CTDP1: variants seen among roughly 807,000 people sequenced by gnomAD.
CTDP1 encodes the protein RNA polymerase II subunit A C-terminal domain phosphatase.
In CTDP1, 47 loss-of-function variants were observed where a neutral mutation model predicts 91.8. The observed-to-expected ratio is 0.51, with a 90% confidence interval of 0.41 to 0.65. CTDP1 has a LOEUF of 0.65. Among genes scored for constraint, CTDP1 ranks in the 30% least tolerant of loss-of-function variants. The pLI is 0.00. For missense variants in CTDP1, 1,272 were observed against 1,373.7 expected (o/e 0.93, Z 1.17); for synonymous variants, 656 against 598.5 (o/e 1.10, Z -1.40).
At chr18:79,685,242 T>C (rs564710825) in intron 1 of CTDP1, 8 of 152,348 alleles carry the variant, frequency 5.3e-5, no homozygotes, top group African/African-American at 1.9e-4. Flanking sequence ...TTATAATATT[T>C]ATGTGGAGTA....
chr18:79,680,142 G>A lies in CTDP1; in HGVS notation c.195G>A (p.Gln65=). ...AASAQSSGAS[Q]SRVASGGCVR... Reference sequence around the variant, plus strand: ...CCGCGCAGTCCTCCGGGGCCTCTCAGTCCCGTGTAGCCTCCGGGGGCTGCG... The same window carrying A: ...CCGCGCAGTCCTCCGGGGCCTCTCAATCCCGTGTAGCCTCCGGGGGCTGCG... The change falls in exon 1 of 13, where the codon CAG becomes CAA. Residue 65 remains glutamine, a synonymous_variant. Transcript: ENST00000613122. The A allele has an allele frequency of 7.0e-7, 1 of 1,429,538 alleles. No homozygotes were observed. The allele number at this position is 1,429,538 out of a possible 1,614,324, so 88.6% of individuals were successfully genotyped here.
At position 79,717,639 on chromosome 18, in the gene CTDP1, C is replaced by T. The variant is rs2086243028; in HGVS notation, c.2173C>T (p.Leu725Phe). ...GCGCTGGGACAAGGTGGAGGAGCAGCTCTTCCCGCTCAGGGACGATCACAC... is the reference window on the plus strand; with the variant it reads ...GCGCTGGGACAAGGTGGAGGAGCAGTTCTTCCCGCTCAGGGACGATCACAC... ...LERWDKVEEQ[L>F]FPLRDDHTKA... Residue 725 changes from leucine (L) to phenylalanine (F), a missense_variant, in exon 9 of 13, where the codon CTC (leucine) becomes TTC (phenylalanine). Coordinates refer to ENST00000613122, the MANE Select transcript of CTDP1 (RefSeq NM_004715.5). The T allele has an allele frequency of 6.2e-7, 1 of 1,613,904 alleles. No individual in the cohort carries two copies. The highest frequency in any genetic ancestry group is 1.1e-5 in the South Asian group (1 of 91,096).
chr18:79,714,711 A>G lies in CTDP1; in HGVS notation c.1251A>G (p.Gln417=), dbSNP rs34942031. 8.7e-4 allele frequency: 1,402 copies of G among 1,607,166 alleles called. 15 individuals are homozygous for G. In the African/African-American group the frequency reaches 0.013, roughly 15 times the overall value. ...CTGCCCAGGCCCCCACCAGCAGCCA[A>G]GAGCTGGCAGGCGCTCCTGAGCCCC... ...WPPAQAPTSS[Q]ELAGAPEPQG... The change falls in exon 8 of 13, where the codon CAA becomes CAG. Residue 417 remains glutamine (Q), a synonymous_variant. Coordinates refer to ENST00000613122, the MANE Select transcript of CTDP1 (RefSeq NM_004715.5).
intron 11 of CTDP1, chr18:79,736,152 T>C: frequency 1.5e-6 from 1 of 654,242 alleles, no homozygotes; most frequent in Non-Finnish European, 2.7e-6. Flanking sequence ...GGGTTTGCTC[T>C]GTGGATTTCC....
intron 2 of CTDP1, 36 bp downstream of exon 2, chr18:79,695,344 G>T: frequency 6.3e-7 from 1 of 1,597,028 alleles, no homozygotes; most frequent in Non-Finnish European, 8.6e-7. Flanking sequence ...CTGCCTGCTG[G>T]GGCTCGAGGT....
intron 4 of CTDP1, among the ~76,000 whole-genome samples, chr18:79,701,462 A>G (rs1220212061): frequency 6.6e-6 from 1 of 151,954 alleles, no homozygotes; most frequent in Non-Finnish European, 1.5e-5. Flanking sequence ...GTGAGCCACG[A>G]TCGCACCACT....
chr18:79,728,521 C>T (rs1312713372), intron 10 of CTDP1, among the ~76,000 whole-genome samples: 1 of 151,952 alleles, frequency 6.6e-6, no homozygotes, highest in Non-Finnish European at 1.5e-5. Flanking sequence ...TGTAGCTCTC[C>T]GGACCCTATT....
intron 12 of CTDP1, among the ~76,000 whole-genome samples, chr18:79,744,482 C>T (rs1028484517): frequency 2.0e-5 from 3 of 152,250 alleles, no homozygotes; most frequent in Admixed American, 2.0e-4. Flanking sequence ...GCGGTGTGAA[C>T]GTGAGGGGAT....
chr18:79,715,400 C>A lies in CTDP1; in HGVS notation c.1940C>A (p.Thr647Lys). The A allele has an allele frequency of 6.2e-7, 1 of 1,604,724 alleles. No homozygotes were observed. Among genetic ancestry groups the A allele is most frequent in the Non-Finnish European group, 8.5e-7 (1 of 1,175,512 alleles). ...ATAATTTTCAGTGGGCTACACCCGA[C>A]AAACTTCCCGATAGAGAAGACGCGG... ...VAIIFSGLHP[T>K]NFPIEKTREH... The change falls in exon 8 of 13, where the codon ACA becomes AAA. Residue 647 changes from threonine to lysine, a missense_variant. Thr to Lys is a moderately conservative substitution (Grantham distance 78, BLOSUM62 -1). This residue lies in a region of CTDP1 where 881 missense variants were observed against 911.6 expected (regional missense o/e 0.97). Transcript: ENST00000613122.
chr18:79,697,706 A>G (rs2085774795), intron 3 of CTDP1, among the ~76,000 whole-genome samples, 154 bp from the exon 4 acceptor site: 1 of 152,226 alleles, frequency 6.6e-6, no homozygotes, highest in South Asian at 2.1e-4. Context: ...TTGGTGACCC[A>G]GCCCTGCCTC....
intron 10 of CTDP1, 77 bp from the exon 11 acceptor site, chr18:79,728,830 C>T: frequency 6.8e-7 from 1 of 1,472,802 alleles, no homozygotes; most frequent in Non-Finnish European, 9.2e-7. Context: ...AGTCCGAGAG[C>T]CAGGAGTCTG....
intron 3 of CTDP1, among the ~76,000 whole-genome samples, chr18:79,696,334 C>G (rs530999946): frequency 2.0e-5 from 3 of 152,330 alleles, no homozygotes; most frequent in Non-Finnish European, 4.4e-5. Context: ...ACACCAGGTG[C>G]TGCCGCCGCA....
intron 9 of CTDP1, 53 bp from the exon 10 acceptor site, chr18:79,717,757 C>A: frequency 6.2e-7 from 1 of 1,613,560 alleles, no homozygotes; most frequent in African/African-American, 1.3e-5. Flanking sequence ...CTGGGCAGTG[C>A]CCCTCATCAC....
chr18:79,731,387 G>A (rs1291885961), intron 11 of CTDP1, among the ~76,000 whole-genome samples: 1 of 152,206 alleles, frequency 6.6e-6, no homozygotes, highest in Non-Finnish European at 1.5e-5. Flanking sequence ...AGCACCTGCC[G>A]TGGGGGATGC....
chr18:79,746,515 T>C lies in CTDP1; in HGVS notation c.2748-7137T>C, dbSNP rs1007372958. On this transcript the variant is annotated intron_variant, in intron 12 of 12. Transcript: ENST00000613122. ...TTTTGGTTTGTGAAAGTTTGCTTTT[T>C]CGTGTTTTCATAGCTACACAAACTG... is the stretch of plus-strand genomic sequence containing the variant. Among the ~76,000 whole-genome samples the C allele has an allele frequency of 3.2e-4, 49 of 152,266 alleles. 1 individual carries two copies. The highest frequency in any genetic ancestry group is 1.3e-4 in the Non-Finnish European group (9 of 68,042).
chr18:79,751,757 G>A (rs917847727), intron 12 of CTDP1, among the ~76,000 whole-genome samples: 3 of 152,178 alleles, frequency 2.0e-5, no homozygotes, highest in Non-Finnish European at 4.4e-5. Flanking sequence ...TCGAGTGCAT[G>A]TGTGTTATAT....
intron 12 of CTDP1, among the ~76,000 whole-genome samples, chr18:79,750,800 C>T (rs111640029): frequency 8.6e-4 from 130 of 151,732 alleles, no homozygotes; most frequent in African/African-American, 2.4e-3. Flanking sequence ...AGGTGTGAGC[C>T]GCCACGCCCT....
At position 79,708,460 on chromosome 18, in the gene CTDP1, C is replaced by A. The variant is rs578201827; in HGVS notation, c.773-1886C>A. ...ATGTGGAGTGCAGTCAGGGCACGTT[C>A]AGATCCGGAAGTGGACCCCGTGTGC... On this transcript the variant is annotated intron_variant, in intron 5 of 12. Coordinates refer to ENST00000613122, the MANE Select transcript of CTDP1 (RefSeq NM_004715.5). 3.3e-5 allele frequency among the ~76,000 whole-genome samples: 5 copies of A among 152,342 alleles called. No individual in the cohort carries two copies. In the East Asian group the frequency reaches 9.6e-4, roughly 29 times the overall value.
chr18:79,735,310 G>A (rs2086644212), intron 11 of CTDP1, among the ~76,000 whole-genome samples: 1 of 152,228 alleles, frequency 6.6e-6, no homozygotes, highest in Non-Finnish European at 1.5e-5. Flanking sequence ...GAAACAGCCT[G>A]CGCTGGGGGA....
Sources: allele counts gnomAD v4.1 joint callset (sites outside exome capture counted in the v4.1 genomes callset), GRCh38; gene constraint gnomAD v4.1.1; regional missense constraint gnomAD v4.1.1; transcripts MANE v1.5; gene names NCBI Gene and HGNC (gene_info 2026-07-23, HGNC 2026-07-21).